Variants in PCMT1 observed in about 807,000 individuals in gnomAD.
The protein encoded by PCMT1 is protein-L-isoaspartate(D-aspartate) O-methyltransferase.
A neutral mutation model predicts 29.2 loss-of-function variants in PCMT1; 9 were observed. That is an observed-to-expected ratio of 0.31 (90% CI 0.19 to 0.54). The LOEUF (loss-of-function observed/expected upper bound fraction) is 0.54. PCMT1 is among the 20% of genes least tolerant of loss of function. The pLI is 0.95. For missense variants in PCMT1, 184 were observed against 282.2 expected, an observed-to-expected ratio of 0.65 and a Z score of 2.49; for synonymous variants, 98 against 97.5, an observed-to-expected ratio of 1.00 and a Z score of -0.03.
intron 1 of PCMT1, among the ~76,000 whole-genome samples, chr6:149,763,295 T>TAA: frequency 6.8e-6 from 1 of 146,368 alleles, no homozygotes; most frequent in Non-Finnish European, 1.5e-5. Flanking sequence ...ATCTATGATA[T>TAA]ATATATCTAT....
rs1448851771 is a variant in PCMT1 at position 149,771,262 on chromosome 6, A to G, written c.156A>G (p.Ser52=). ...KCNPYMDSPQ[S]IGFQATISAP... ...ACCCATACATGGATTCTCCACAATC[A>G]ATAGGTAAGCTTTAGATTTCTGAAA... is the stretch of plus-strand genomic sequence containing the variant. The change falls in exon 2 of 8, where the codon TCA becomes TCG. Residue 52 remains serine (S), a synonymous_variant. Coordinates refer to ENST00000464889, the MANE Select transcript of PCMT1 (RefSeq NM_001360452.2). The G allele has an allele frequency of 6.4e-7, 1 of 1,562,146 alleles. No homozygotes were observed. Among genetic ancestry groups the G allele is most frequent in the Non-Finnish European group, 8.8e-7 (1 of 1,134,984 alleles).
Position 149,810,656 on chromosome 6 carries a change from A to G in PCMT1, c.*78A>G, listed in dbSNP as rs1209985074. 1 of 1,527,360 alleles carries G rather than the reference A, an allele frequency of 6.5e-7. No homozygotes were observed. The highest frequency in any genetic ancestry group is 1.2e-5 in the South Asian group (1 of 83,430). The allele number at this position is 1,527,360 out of a possible 1,614,324, so 94.6% of individuals were successfully genotyped here. A position where few individuals can be genotyped will look rare whatever the true frequency, so the allele number is the denominator to read the frequency against. ...GCAACATCAGCTTGACCAGTATAAAATTACAGTGGATTGCTCATCTCAGTC... is the reference window on the plus strand; with the variant it reads ...GCAACATCAGCTTGACCAGTATAAAGTTACAGTGGATTGCTCATCTCAGTC... On this transcript the variant is annotated 3_prime_UTR_variant, in exon 8 of 8. Transcript: ENST00000464889.
chr6:149,795,349 A>C, intron 5 of PCMT1: 1 of 392,214 alleles, frequency 2.5e-6, no homozygotes, highest in Admixed American at 3.2e-5. Flanking sequence ...TAGAAACACT[A>C]GTCAGTCAAG....
At chr6:149,793,797 AT>A (rs1389494944) in intron 5 of PCMT1, 128 bp downstream of exon 5, 2 of 767,346 alleles carry the variant, frequency 2.6e-6, no homozygotes, top group Non-Finnish European at 3.7e-6. Context: ...GTACTAAAAA[AT>A]AAAAACGATT....
At chr6:149,804,455 T>TA (rs1775948376) in intron 7 of PCMT1, among the ~76,000 whole-genome samples, 2 of 152,296 alleles carry the variant, frequency 1.3e-5, no homozygotes, top group East Asian at 1.9e-4. Flanking sequence ...AAGCTGAAGC[T>TA]GCAGAGCCCT....
intron 1 of PCMT1, among the ~76,000 whole-genome samples, chr6:149,769,463 G>A (rs977865912): frequency 4.6e-5 from 7 of 151,496 alleles, no homozygotes; most frequent in South Asian, 2.1e-4. Flanking sequence ...ACAGGGGTGC[G>A]CCACCACACC....
intron 6 of PCMT1, among the ~76,000 whole-genome samples, chr6:149,800,672 A>T (rs1253208605): frequency 6.6e-6 from 1 of 151,968 alleles, no homozygotes; most frequent in Non-Finnish European, 1.5e-5. Flanking sequence ...CACTGCAGGG[A>T]CTCCAGCCCT....
intron 2 of PCMT1, chr6:149,772,177 G>A: frequency 2.3e-6 from 1 of 439,882 alleles, no homozygotes; most frequent in South Asian, 1.6e-5. Context: ...AGATCCTGGG[G>A]AGCTTCTGAA....
intron 6 of PCMT1, among the ~76,000 whole-genome samples, chr6:149,800,311 CA>C (rs892815971): frequency 1.3e-5 from 2 of 151,554 alleles, no homozygotes; most frequent in Non-Finnish European, 2.9e-5. Flanking sequence ...ATTAAAAATA[CA>C]AAAAAAATTA....
chr6:149,796,753 A>T, intron 6 of PCMT1: 1 of 347,788 alleles, frequency 2.9e-6, no homozygotes, highest in Non-Finnish European at 5.1e-6. Flanking sequence ...TAGAATTGGG[A>T]AAATCCCTCT....
intron 3 of PCMT1, among the ~76,000 whole-genome samples, chr6:149,787,315 A>ACCGTGGGGAGAGGGAGC (rs764945226): frequency 1.5e-5 from 2 of 131,906 alleles, no homozygotes; most frequent in African/African-American, 2.7e-5. Context: ...GGAGAGGGAG[A>ACCGTGGGGAGAGGGAGC]GGGAGAGGGA....
At chr6:149,762,390 A>C (rs551913650) in intron 1 of PCMT1, among the ~76,000 whole-genome samples, 69 of 151,458 alleles carry the variant, frequency 4.6e-4, no homozygotes, top group African/African-American at 1.6e-3. Flanking sequence ...TATTTCAGAA[A>C]AGCCTAATGG....
chr6:149,810,348 T>C (rs1776128952), intron 7 of PCMT1, among the ~76,000 whole-genome samples: 1 of 152,192 alleles, frequency 6.6e-6, no homozygotes, highest in African/African-American at 2.4e-5. Flanking sequence ...ATTTTGACAT[T>C]GAAGGAAGAA....
At chr6:149,761,900 T>C (rs1211969042) in intron 1 of PCMT1, among the ~76,000 whole-genome samples, 2 of 152,200 alleles carry the variant, frequency 1.3e-5, no homozygotes, top group Admixed American at 6.5e-5. Context: ...TATTTATGAC[T>C]GTATCCATAC....
chr6:149,753,049 T>C (rs890925251), intron 1 of PCMT1, among the ~76,000 whole-genome samples: 4 of 152,224 alleles, frequency 2.6e-5, no homozygotes, highest in Non-Finnish European at 5.9e-5. Flanking sequence ...TTAGCCTCTT[T>C]TGTAACACTT....
At chr6:149,753,719 A>C (rs907375499) in intron 1 of PCMT1, among the ~76,000 whole-genome samples, 2 of 152,214 alleles carry the variant, frequency 1.3e-5, no homozygotes, top group African/African-American at 4.8e-5. Flanking sequence ...CTTTTGTATT[A>C]AAATCTATCA....
rs536360056 is a variant in PCMT1, at chr6:149,774,486, G to A, written c.192+1317G>A. On this transcript the variant is annotated intron_variant, in intron 3 of 7. Coordinates refer to ENST00000464889, the MANE Select transcript of PCMT1 (RefSeq NM_001360452.2). ...GAACTCCTGACCTTGTGATCCACCCGCCTCAGCCTCCCAAAGTGCTGGGAT... is the reference window on the plus strand; with the variant it reads ...GAACTCCTGACCTTGTGATCCACCCACCTCAGCCTCCCAAAGTGCTGGGAT... 1.1e-3 allele frequency among the ~76,000 whole-genome samples: 162 copies of A among 148,096 alleles called. 1 individual carries two copies. Among genetic ancestry groups the A allele is most frequent in the Non-Finnish European group, 1.6e-3 (111 of 67,374 alleles).
intron 7 of PCMT1, among the ~76,000 whole-genome samples, chr6:149,806,580 TTTTTG>T (rs372197249): frequency 2.1e-4 from 32 of 152,090 alleles, no homozygotes; most frequent in African/African-American, 7.2e-4. Flanking sequence ...TCCGTTTTTG[TTTTTG>T]TTTTGTTTTA....
intron 1 of PCMT1, among the ~76,000 whole-genome samples, chr6:149,766,547 T>C (rs573640633): frequency 3.3e-5 from 5 of 152,360 alleles, no homozygotes; most frequent in East Asian, 1.9e-4. Context: ...ACAGACAAAA[T>C]TTGGCCTGCT....
Sources: gnomAD v4.1 joint callset for allele counts (sites outside exome capture counted in the v4.1 genomes callset) on GRCh38, gnomAD v4.1.1 for gene constraint, MANE v1.5 for transcripts, NCBI Gene and HGNC (gene_info 2026-07-23, HGNC 2026-07-21) for gene names.